The following POLQ variants were observed in gnomAD, a reference collection of about 807,000 sequenced individuals.
POLQ encodes DNA polymerase theta.
A neutral mutation model predicts 259.2 loss-of-function variants in POLQ; 233 were observed. That is an observed-to-expected ratio of 0.90 (90% CI 0.81 to 1.00). The LOEUF (loss-of-function observed/expected upper bound fraction) is 1.00. POLQ is among the 50% of genes least tolerant of loss of function. The pLI, the probability that POLQ is intolerant of heterozygous loss-of-function variation, is 0.00. For missense variants in POLQ, 2,871 were observed against 3,051.6 expected (o/e 0.94, Z 1.39); for synonymous variants, 1,025 against 1,048.8 (o/e 0.98, Z 0.44).
At chr3:121,461,480 G>A (rs1273861319) in intron 24 of POLQ, among the ~76,000 whole-genome samples, 1 of 151,940 alleles carries the variant, frequency 6.6e-6, no homozygotes, top group Non-Finnish European at 1.5e-5. Context: ...GTGAAACTCT[G>A]TCTCTACTAA....
intron 23 of POLQ, among the ~76,000 whole-genome samples, chr3:121,467,960 G>T (rs1274923289): frequency 6.6e-6 from 1 of 152,186 alleles, no homozygotes; most frequent in Non-Finnish European, 1.5e-5. Flanking sequence ...TCGAGCCCAG[G>T]AGGTGGAGGT....
At chr3:121,531,327 C>G (rs1183380372) in intron 6 of POLQ, among the ~76,000 whole-genome samples, 1 of 151,938 alleles carries the variant, frequency 6.6e-6, no homozygotes, top group East Asian at 1.9e-4. Context: ...GTAAAAAAGT[C>G]CAAAGGTGAA....
chr3:121,517,371 G>GTT lies in POLQ; in HGVS notation c.1468+2498_1468+2499dup, dbSNP rs1553819638. The stretch of plus-strand genomic sequence containing the variant: ...AAAAATCCAACAAATTGGAAGTTTT[G>GTT]TTTTTTTTTTTTAAATCATCAAAAT... On this transcript the variant is annotated intron_variant, in intron 9 of 29. Transcript: ENST00000264233. Among the ~76,000 whole-genome samples the GTT allele has an allele frequency of 3.4e-5, 5 of 145,100 alleles. No homozygotes were observed. The South Asian group carries it at 8.7e-4, about 25-fold the overall frequency.
intron 26 of POLQ, among the ~76,000 whole-genome samples, chr3:121,442,559 C>T (rs2047602251): frequency 6.6e-6 from 1 of 152,176 alleles, no homozygotes; most frequent in African/African-American, 2.4e-5. Flanking sequence ...CTTTCTGTGC[C>T]TGGCTTATTT....
chr3:121,438,154 GCAAAAACCAAAA>G, intron 27 of POLQ, among the ~76,000 whole-genome samples: 1 of 152,048 alleles, frequency 6.6e-6, no homozygotes, highest in Middle Eastern at 3.4e-3. Context: ...TTGAACAAAA[GCAAAAACCAAAA>G]CAAAAACCAA....
intron 25 of POLQ, among the ~76,000 whole-genome samples, chr3:121,459,252 T>G (rs1204402038): frequency 2.6e-5 from 4 of 152,088 alleles, no homozygotes; most frequent in African/African-American, 7.2e-5. Context: ...GTCAGCAATA[T>G]TTTTTCAACA....
chr3:121,521,258 G>A (rs932519760), intron 8 of POLQ, among the ~76,000 whole-genome samples: 2 of 152,018 alleles, frequency 1.3e-5, no homozygotes, highest in Non-Finnish European at 2.9e-5. Context: ...ATACACTACC[G>A]GCACTATATA....
In POLQ at chr3:121,485,027, T is replaced by C. The variant is rs2048000344; in HGVS notation, c.5773+14A>G. 1.3e-6 allele frequency: 2 copies of C among 1,594,376 alleles called. No individual in the cohort carries two copies. The highest frequency in any genetic ancestry group is 1.7e-6 in the Non-Finnish European group (2 of 1,170,192). On this transcript the variant is annotated intron_variant, in intron 17 of 29. Transcript: ENST00000264233. ...GTAATTACATAGTGACTTAGCCAAA[T>C]ACTCATTACTTACCAGAATGCTTTT...
At chr3:121,455,495 TA>T (rs1287403333) in intron 25 of POLQ, among the ~76,000 whole-genome samples, 9 of 141,380 alleles carry the variant, frequency 6.4e-5, no homozygotes, top group African/African-American at 2.1e-4. Flanking sequence ...GCAAGACTAA[TA>T]AAGAAGAAAA....
intron 26 of POLQ, among the ~76,000 whole-genome samples, chr3:121,446,930 G>C (rs902255742): frequency 6.6e-6 from 1 of 151,852 alleles, no homozygotes; most frequent in East Asian, 1.9e-4. Context: ...CTTTTTATTG[G>C]AAAGTTTAGT....
At chr3:121,449,459 T>G (rs1414092530) in intron 25 of POLQ, 33 bp from the exon 26 acceptor site, 2 of 1,173,292 alleles carry the variant, frequency 1.7e-6, no homozygotes. Context: ...ATAAAGGTTA[T>G]AAGTACATAA....
intron 20 of POLQ, among the ~76,000 whole-genome samples, chr3:121,474,989 A>T (rs2047914629): frequency 6.6e-6 from 1 of 152,206 alleles, no homozygotes; most frequent in Non-Finnish European, 1.5e-5. Context: ...ATTGATCACC[A>T]CACTTAGACT....
intron 2 of POLQ, among the ~76,000 whole-genome samples, chr3:121,543,532 ATTAT>A (rs1274639111): frequency 6.6e-6 from 1 of 152,218 alleles, no homozygotes; most frequent in Non-Finnish European, 1.5e-5. Flanking sequence ...TCTGCTGATA[ATTAT>A]TTAATTCGTC....
chr3:121,449,369 T>C lies in POLQ; in HGVS notation c.7210A>G (p.Ile2404Val), dbSNP rs907846224. Reference sequence around the variant, plus strand: ...TAGCATGCAGCATCATTTTCTTTAATGCCCATCTGCTCTCCCAAAGATTTA... The same window carrying C: ...TAGCATGCAGCATCATTTTCTTTAACGCCCATCTGCTCTCCCAAAGATTTA... ...GAKSLGEQMG[I>V]KENDAACYID... The change falls in exon 26 of 30, where the codon ATT becomes GTT. Residue 2404 changes from isoleucine to valine, a missense_variant. Transcript: ENST00000264233. 1.2e-6 allele frequency: 2 copies of C among 1,608,482 alleles called. No individual in the cohort carries two copies. Among genetic ancestry groups the C allele is most frequent in the African/African-American group, 2.7e-5 (2 of 74,798 alleles).
At chr3:121,432,816 G>T in intron 29 of POLQ, 102 bp downstream of exon 29, 1 of 730,966 alleles carries the variant, frequency 1.4e-6, no homozygotes, top group Non-Finnish European at 2.5e-6. Flanking sequence ...CCCAGGGCTA[G>T]GGTAGAGTTC....
intron 25 of POLQ, 133 bp from the exon 26 acceptor site, chr3:121,449,559 G>A (rs949338801): frequency 7.6e-6 from 5 of 661,528 alleles, no homozygotes; most frequent in African/African-American, 1.8e-5. Flanking sequence ...GCTTTTGGTG[G>A]GTTACATCCA....
chr3:121,489,532 A>G lies in POLQ; in HGVS notation c.3399T>C (p.Phe1133=). The change falls in exon 16 of 30, where the codon TTT becomes TTC. Residue 1133 remains phenylalanine, a synonymous_variant. Transcript: ENST00000264233. ...GAGATCCTGTGACAATATGCTCCACAAAATTATCATTAGTTAGTGTTATGT... is the reference window on the plus strand; with the variant it reads ...GAGATCCTGTGACAATATGCTCCACGAAATTATCATTAGTTAGTGTTATGT... The part of the protein sequence containing the change: ...SWNITLTNDN[F]VEHIVTGSQS... 1 of 1,613,680 alleles carries G rather than the reference A, an allele frequency of 6.2e-7. No individual in the cohort carries two copies. The highest frequency in any genetic ancestry group is 1.7e-5 in the Admixed American group (1 of 59,940).
rs1398207837 is a variant in POLQ at position 121,432,311 on chromosome 3, T to G, written c.7766A>C (p.Asp2589Ala). The change falls in exon 30 of 30, where the codon GAT becomes GCT. Residue 2589 changes from aspartate (D) to alanine (A), a missense_variant. Transcript: ENST00000264233. ...GASWGELKDF[D>A]V is the part of the protein sequence containing the mutation. ...ACTTCATCAACAGCACAGTTACACATCAAAGTCCTTTAGCTCTCCCCAGCT... is the reference window on the plus strand; with the variant it reads ...ACTTCATCAACAGCACAGTTACACAGCAAAGTCCTTTAGCTCTCCCCAGCT... 6.3e-7 allele frequency: 1 copy of G among 1,599,870 alleles called. No individual in the cohort carries two copies. The highest frequency in any genetic ancestry group is 1.4e-5 in the African/African-American group (1 of 73,916).
At position 121,493,663 on chromosome 3, in the gene POLQ, G is replaced by C. The variant is rs769855657; in HGVS notation, c.2337C>G (p.Ser779=). 6.2e-7 allele frequency: 1 copy of C among 1,613,956 alleles called. No individual in the cohort carries two copies. Among genetic ancestry groups the C allele is most frequent in the East Asian group, 2.2e-5 (1 of 44,884 alleles). ...CAAACGTAAGACGCTTCTGAAATTGGGAAAGTAGTAGTTCCATGTTGTGCC... is the reference window on the plus strand; with the variant it reads ...CAAACGTAAGACGCTTCTGAAATTGCGAAAGTAGTAGTTCCATGTTGTGCC... ...LGWHNMELLL[S]QFQKRLTFGI... is the part of the protein sequence containing the mutation. Residue 779 remains serine, a synonymous_variant, in exon 15 of 30, where the codon TCC becomes TCG. Coordinates refer to ENST00000264233, the MANE Select transcript of POLQ (RefSeq NM_199420.4).
Sources: gnomAD v4.1 joint callset for allele counts (sites outside exome capture counted in the v4.1 genomes callset) on GRCh38, gnomAD v4.1.1 for gene constraint, MANE v1.5 for transcripts, NCBI Gene and HGNC (gene_info 2026-07-23, HGNC 2026-07-21) for gene names.